The following OXR1 variants were observed in gnomAD, a reference collection of about 807,000 sequenced individuals.
OXR1 encodes oxidation resistance protein 1.
A neutral mutation model predicts 104.6 loss-of-function variants in OXR1; 41 were observed. That is an observed-to-expected ratio of 0.39 (90% confidence interval 0.31 to 0.51). The LOEUF (loss-of-function observed/expected upper bound fraction) is 0.51. Among genes scored for constraint, OXR1 ranks in the 20% least tolerant of loss-of-function variants. The probability of loss-of-function intolerance (pLI) is 0.77; values close to 1 mark genes in which losing one functional copy is unlikely to be tolerated. For missense variants in OXR1, 955 were observed against 1,031.9 expected, an observed-to-expected ratio of 0.93 and a Z score of 1.02; for synonymous variants, 348 against 348.4, an observed-to-expected ratio of 1.00 and a Z score of 0.01.
rs551489921 is a variant in OXR1 at position 106,494,984 on chromosome 8, G to A, written c.24-23959G>A. On this transcript the variant is annotated intron_variant, in intron 2 of 16. Transcript: ENST00000517566. ...GATCATCACTGTGTTCCCAGCACCT[G>A]GAATAGTGCCAGACACGTGTAGGTA... Among the ~76,000 whole-genome samples the A allele has an allele frequency of 3.3e-5, 5 of 152,234 alleles. No individual in the cohort carries two copies. The East Asian group carries it at 9.7e-4, about 29-fold the overall frequency.
intron 1 of OXR1, among the ~76,000 whole-genome samples, chr8:106,283,315 A>C (rs1462369575): frequency 1.3e-5 from 2 of 152,200 alleles, no homozygotes; most frequent in South Asian, 2.1e-4. Context: ...CCTAGGCTTT[A>C]GACCATACCA....
At chr8:106,482,320 C>T (rs1822175879) in intron 2 of OXR1, among the ~76,000 whole-genome samples, 1 of 151,718 alleles carries the variant, frequency 6.6e-6, no homozygotes, top group Admixed American at 6.6e-5. Flanking sequence ...TAAAAGCCCT[C>T]CCCAAGGGAT....
intron 2 of OXR1, among the ~76,000 whole-genome samples, chr8:106,511,637 T>G (rs1586741012): frequency 6.6e-6 from 1 of 152,358 alleles, no homozygotes; most frequent in African/African-American, 2.4e-5. Flanking sequence ...AGTATATAGA[T>G]TTCTGTGGAA....
chr8:106,738,255 G>A (rs1348871113), intron 12 of OXR1, among the ~76,000 whole-genome samples: 2 of 151,868 alleles, frequency 1.3e-5, no homozygotes, highest in African/African-American at 4.8e-5. Context: ...TGCTTTCATG[G>A]CTCTGCTAGA....
chr8:106,543,510 CAGA>C (rs1316066827), intron 3 of OXR1, among the ~76,000 whole-genome samples: 5 of 152,074 alleles, frequency 3.3e-5, no homozygotes, highest in Admixed American at 1.3e-4. Context: ...TTGATTTCTT[CAGA>C]TACAAGTAAG....
intron 1 of OXR1, among the ~76,000 whole-genome samples, chr8:106,342,785 G>T (rs1484892530): frequency 6.6e-6 from 1 of 152,096 alleles, no homozygotes; most frequent in Non-Finnish European, 1.5e-5. Flanking sequence ...GTGGGAAATT[G>T]GCAAATTCTA....
At chr8:106,559,485 T>C (rs185295355) in intron 3 of OXR1, among the ~76,000 whole-genome samples, 5 of 152,334 alleles carry the variant, frequency 3.3e-5, no homozygotes, top group Admixed American at 2.6e-4. Context: ...TAGGTATTTG[T>C]TACAGTATCT....
chr8:106,608,958 T>A (rs1339904231), intron 3 of OXR1, among the ~76,000 whole-genome samples: 1 of 152,190 alleles, frequency 6.6e-6, no homozygotes, highest in Non-Finnish European at 1.5e-5. Flanking sequence ...TGCTACTCCT[T>A]AAAGGTGACT....
intron 1 of OXR1, among the ~76,000 whole-genome samples, chr8:106,335,166 C>T (rs1814905082): frequency 6.6e-6 from 1 of 152,064 alleles, no homozygotes; most frequent in East Asian, 1.9e-4. Flanking sequence ...CTTTTATTTT[C>T]TCCCTCATCT....
intron 2 of OXR1, among the ~76,000 whole-genome samples, chr8:106,500,984 T>A (rs753467343): frequency 6.6e-6 from 1 of 151,950 alleles, no homozygotes; most frequent in Non-Finnish European, 1.5e-5. Context: ...ATGGAGAGAG[T>A]TGACAAATTG....
At chr8:106,471,725 G>A (rs1821502473) in intron 2 of OXR1, among the ~76,000 whole-genome samples, 1 of 151,826 alleles carries the variant, frequency 6.6e-6, no homozygotes, top group Non-Finnish European at 1.5e-5. Flanking sequence ...TGCTCTGAAG[G>A]CAATTCTGAA....
At chr8:106,612,978 C>T (rs558704618) in intron 3 of OXR1, among the ~76,000 whole-genome samples, 4 of 152,176 alleles carry the variant, frequency 2.6e-5, no homozygotes, top group South Asian at 2.1e-4. Flanking sequence ...CTCTGCAACA[C>T]GTGCTTTCAG....
chr8:106,412,551 A>G (rs1391935824), intron 2 of OXR1, among the ~76,000 whole-genome samples: 2 of 152,118 alleles, frequency 1.3e-5, no homozygotes, highest in Admixed American at 1.3e-4. Flanking sequence ...AACCAAATTT[A>G]TGTTGGCACA....
In OXR1 at chr8:106,539,714, A is replaced by T. The variant is rs577783106; in HGVS notation, c.220+20575A>T. The stretch of plus-strand genomic sequence containing the variant: ...ATCCTTTTACAAACTTATGGCTGTC[A>T]TTTAGAAAGAAAGAGAAATGCACAT... On this transcript the variant is annotated intron_variant, in intron 3 of 16. Coordinates refer to ENST00000517566, the MANE Select transcript of OXR1 (RefSeq NM_001198533.2). 6.6e-5 allele frequency among the ~76,000 whole-genome samples: 10 copies of T among 152,330 alleles called. No individual in the cohort carries two copies. In the East Asian group the frequency reaches 1.9e-3, roughly 29 times the overall value.
Position 106,378,811 on chromosome 8 carries a change from A to G in OXR1, c.23+19175A>G, listed in dbSNP as rs555073033. ...GGTGTGAGCCACCATGCCCGGCCTG[A>G]TGTCTGACTTTCTTTGGGACTTCCA... On this transcript the variant is annotated intron_variant, in intron 2 of 16. Coordinates refer to ENST00000517566, the MANE Select transcript of OXR1 (RefSeq NM_001198533.2). Among the ~76,000 whole-genome samples the G allele has an allele frequency of 3.9e-5, 6 of 152,184 alleles. No homozygotes were observed. In the South Asian group the frequency reaches 1.0e-3, roughly 26 times the overall value.
At position 106,578,983 on chromosome 8, in the gene OXR1, C is replaced by CTTTTTTTTTTTTTTTTTTTT. The variant is rs146593561; in HGVS notation, c.220+59847_220+59848insTTTTTTTTTTTTTTTTTTTT. Among the ~76,000 whole-genome samples the CTTTTTTTTTTTTTTTTTTTT allele has an allele frequency of 1.5e-5, 2 of 131,002 alleles. 1 individual carries two copies. The highest frequency in any genetic ancestry group is 6.0e-5 in the African/African-American group (2 of 33,224). 85.9% of individuals were successfully genotyped at this position (131,002 alleles called of 152,430 possible). On this transcript the variant is annotated intron_variant, in intron 3 of 16. Coordinates refer to ENST00000517566, the MANE Select transcript of OXR1 (RefSeq NM_001198533.2). ...GACCACCTAGGTAACCTCACTTTTT[C>CTTTTTTTTTTTTTTTTTTTT]TTTCTTTTTTTTTTTTTTTGCCTAG...
At chr8:106,695,179 A>T (rs1014969378) in intron 7 of OXR1, among the ~76,000 whole-genome samples, 6 of 150,820 alleles carry the variant, frequency 4.0e-5, no homozygotes, top group African/African-American at 1.5e-4. Flanking sequence ...ATTTAAAATA[A>T]TTTTTAAAAT....
intron 3 of OXR1, among the ~76,000 whole-genome samples, chr8:106,561,403 C>T (rs117734809): frequency 4.1e-4 from 63 of 152,288 alleles, no homozygotes; most frequent in Non-Finnish European, 7.8e-4. Flanking sequence ...TGCAAAACTG[C>T]TATAGCCAGA....
intron 1 of OXR1, among the ~76,000 whole-genome samples, chr8:106,345,917 G>A (rs41411947): frequency 0.39 from 59,684 of 151,956 alleles, 12,138 homozygotes; most frequent in South Asian, 0.5. Context: ...TGATGGCGCT[G>A]TAATTCTTTG....
Sources: allele counts gnomAD v4.1 joint callset (sites outside exome capture counted in the v4.1 genomes callset), GRCh38; gene constraint gnomAD v4.1.1; transcripts MANE v1.5; gene names NCBI Gene and HGNC (gene_info 2026-07-23, HGNC 2026-07-21).